Variants in MINDY3 observed in about 807,000 individuals in gnomAD.
The protein encoded by MINDY3 is ubiquitin carboxyl-terminal hydrolase MINDY-3.
Under a neutral mutation model 69.2 loss-of-function variants are expected in MINDY3, and 38 were observed. The ratio of observed to expected loss-of-function variants is 0.55; its 90% CI spans 0.42 to 0.72. The LOEUF (loss-of-function observed/expected upper bound fraction) is 0.72, where lower values mean the gene tolerates loss of function less well. Among genes scored for constraint, MINDY3 ranks in the 30% least tolerant of loss-of-function variants. The probability of loss-of-function intolerance (pLI) is 0.00; values close to 1 mark genes in which losing one functional copy is unlikely to be tolerated. For synonymous variants in MINDY3, 192 were observed against 180.1 expected, an observed-to-expected ratio of 1.07 and a Z score of -0.53; for missense variants, 522 against 519.0, an observed-to-expected ratio of 1.01 and a Z score of -0.06.
At chr10:15,852,214 T>C (rs370097284) in intron 1 of MINDY3, among the ~76,000 whole-genome samples, 14 of 152,188 alleles carry the variant, frequency 9.2e-5, no homozygotes, top group African/African-American at 3.1e-4. Context: ...TTACTGGTCA[T>C]TGTTTTCCCA....
At chr10:15,806,215 T>C (rs1037823796) in intron 10 of MINDY3, among the ~76,000 whole-genome samples, 3 of 152,144 alleles carry the variant, frequency 2.0e-5, no homozygotes, top group Admixed American at 2.0e-4. Flanking sequence ...TATTTGATCT[T>C]CCTATTGAGA....
At chr10:15,841,695 A>G (rs1833482536) in intron 3 of MINDY3, 96 bp from the exon 4 acceptor site, 1 of 666,000 alleles carries the variant, frequency 1.5e-6, no homozygotes, top group Non-Finnish European at 2.3e-6. Context: ...AATGATGAAA[A>G]TCAAGCATTT....
intron 2 of MINDY3, among the ~76,000 whole-genome samples, chr10:15,846,482 C>T (rs1273425475): frequency 1.3e-5 from 2 of 152,094 alleles, no homozygotes; most frequent in Non-Finnish European, 2.9e-5. Context: ...TCATTCTTCA[C>T]ATTCCATAAT....
chr10:15,832,832 G>C lies in MINDY3; in HGVS notation c.730+798C>G, dbSNP rs372954528. Among the ~76,000 whole-genome samples the C allele has an allele frequency of 2.6e-5, 4 of 152,148 alleles. No homozygotes were observed. The East Asian group carries it at 5.8e-4, about 22-fold the overall frequency. On this transcript the variant is annotated intron_variant, in intron 8 of 14. Transcript: ENST00000277632. The stretch of plus-strand genomic sequence containing the variant: ...TCTGAATTTGAGAAAAATTCAAATG[G>C]AAGATCATGAATCACTTCAATGGGA...
intron 10 of MINDY3, among the ~76,000 whole-genome samples, chr10:15,812,948 C>G (rs1365124875): frequency 2.0e-5 from 3 of 152,126 alleles, no homozygotes; most frequent in Non-Finnish European, 4.4e-5. Context: ...GAAATCCATG[C>G]ACTTTTTTCC....
chr10:15,812,228 C>T (rs976638631), intron 10 of MINDY3, among the ~76,000 whole-genome samples: 5 of 152,016 alleles, frequency 3.3e-5, no homozygotes, highest in African/African-American at 1.2e-4. Context: ...GGCATGAGCC[C>T]CTGCGCCCGG....
chr10:15,813,978 C>CAA (rs777561427), intron 10 of MINDY3, among the ~76,000 whole-genome samples: 10 of 66,304 alleles, frequency 1.5e-4, no homozygotes, highest in East Asian at 7.2e-4. Context: ...CACCAAAACT[C>CAA]AAAAAAAAAA....
chr10:15,850,461 C>G (rs1273177655), intron 1 of MINDY3, among the ~76,000 whole-genome samples: 1 of 152,228 alleles, frequency 6.6e-6, no homozygotes, highest in African/African-American at 2.4e-5. Flanking sequence ...CAGCAAGGAA[C>G]AGCCCTGAGA....
At chr10:15,826,140 T>C (rs909820817) in intron 8 of MINDY3, among the ~76,000 whole-genome samples, 62 of 152,144 alleles carry the variant, frequency 4.1e-4, no homozygotes, top group African/African-American at 1.4e-3. Context: ...GGATGGCAGG[T>C]AGAGAGGAGA....
intron 10 of MINDY3, among the ~76,000 whole-genome samples, chr10:15,808,995 T>G (rs563249883): frequency 2.1e-4 from 32 of 152,296 alleles, no homozygotes; most frequent in Middle Eastern, 3.4e-3. Context: ...GTCTTCCATT[T>G]TATACATTCT....
At chr10:15,843,884 A>G (rs879282610) in intron 2 of MINDY3, among the ~76,000 whole-genome samples, 1 of 152,114 alleles carries the variant, frequency 6.6e-6, no homozygotes, top group Non-Finnish European at 1.5e-5. Context: ...GTGTAGTTCA[A>G]CGGTAGCTAT....
At chr10:15,808,966 C>CA (rs1838818029) in intron 10 of MINDY3, among the ~76,000 whole-genome samples, 1 of 151,742 alleles carries the variant, frequency 6.6e-6, no homozygotes, top group Admixed American at 6.6e-5. Flanking sequence ...ACAGTAAAAA[C>CA]AAAAAAGGCA....
chr10:15,796,033 G>C (rs1837794946), intron 11 of MINDY3, 67 bp downstream of exon 11: 1 of 1,112,476 alleles, frequency 9.0e-7, no homozygotes. Context: ...AATAAAATCA[G>C]GTCGCTATCA....
chr10:15,836,749 G>C (rs1833109586), intron 6 of MINDY3, among the ~76,000 whole-genome samples: 1 of 148,064 alleles, frequency 6.8e-6, no homozygotes, highest in Non-Finnish European at 1.5e-5. Context: ...GAGGAGGAGA[G>C]AAAAGAGCAG....
At chr10:15,851,388 C>T (rs1225755103) in intron 1 of MINDY3, among the ~76,000 whole-genome samples, 1 of 152,078 alleles carries the variant, frequency 6.6e-6, no homozygotes, top group Non-Finnish European at 1.5e-5. Context: ...CTGCCTGCAT[C>T]TCCCTCTTCA....
intron 8 of MINDY3, among the ~76,000 whole-genome samples, chr10:15,823,973 C>A (rs1429130637): frequency 6.6e-6 from 1 of 152,170 alleles, no homozygotes; most frequent in African/African-American, 2.4e-5. Context: ...CTGCAAATAA[C>A]AGGATTTCAT....
At chr10:15,785,464 G>C (rs1362392274) in intron 13 of MINDY3, among the ~76,000 whole-genome samples, 5 of 152,094 alleles carry the variant, frequency 3.3e-5, no homozygotes, top group Admixed American at 6.6e-5. Flanking sequence ...TCTATCAAAA[G>C]TTCCGATAGC....
At chr10:15,828,233 T>C (rs986033956) in intron 8 of MINDY3, among the ~76,000 whole-genome samples, 7 of 152,234 alleles carry the variant, frequency 4.6e-5, no homozygotes, top group Admixed American at 4.6e-4. Flanking sequence ...TGGTATGTTA[T>C]TCATCAATAA....
chr10:15,800,147 C>A (rs1489212496), intron 10 of MINDY3, among the ~76,000 whole-genome samples: 1 of 152,020 alleles, frequency 6.6e-6, no homozygotes, highest in African/African-American at 2.4e-5. Flanking sequence ...GCAAACTGTG[C>A]AGCCTAGAGA....
Sources: gnomAD v4.1 joint callset for allele counts (sites outside exome capture counted in the v4.1 genomes callset) on GRCh38, gnomAD v4.1.1 for gene constraint, MANE v1.5 for transcripts, NCBI Gene and HGNC (gene_info 2026-07-23, HGNC 2026-07-21) for gene names.